FAM168A: variants seen among roughly 807,000 people sequenced by gnomAD.
FAM168A encodes the protein family with sequence similarity 168 member A.
In FAM168A, 3 loss-of-function variants were observed where a neutral mutation model predicts 28.5. That is an observed-to-expected ratio of 0.11 (90% CI 0.05 to 0.27). FAM168A has a LOEUF of 0.27. Among genes scored for constraint, FAM168A ranks in the 10% least tolerant of loss-of-function variants. The pLI is 1.00. For missense variants in FAM168A, 222 were observed against 311.5 expected (o/e 0.71, Z 2.16); for synonymous variants, 122 against 124.2 (o/e 0.98, Z 0.12).
chr11:73,539,164 T>C (rs1943621440), intron 1 of FAM168A, among the ~76,000 whole-genome samples: 1 of 152,228 alleles, frequency 6.6e-6, no homozygotes, highest in Non-Finnish European at 1.5e-5. Flanking sequence ...ATTCAACAGT[T>C]AAATGGTACA....
chr11:73,445,052 G>C (rs1371452049), intron 2 of FAM168A, among the ~76,000 whole-genome samples: 1 of 152,158 alleles, frequency 6.6e-6, no homozygotes, highest in Non-Finnish European at 1.5e-5. Context: ...CTGAGGTCGG[G>C]AGTTCAAGAC....
chr11:73,587,742 T>C (rs184417934), intron 1 of FAM168A, among the ~76,000 whole-genome samples: 25 of 152,272 alleles, frequency 1.6e-4, no homozygotes, highest in Admixed American at 9.8e-4. Context: ...AAAAATGGAA[T>C]GTACATTTAA....
rs143460155 is a variant in FAM168A, at chr11:73,594,031, C to T, written c.-19+3892G>A. Reference sequence around the variant, plus strand: ...ATTCATTAAATAAATAAATAGTGAACAGATATTTCATATATGTACAGTGTT... The same window carrying T: ...ATTCATTAAATAAATAAATAGTGAATAGATATTTCATATATGTACAGTGTT... On this transcript the variant is annotated intron_variant, in intron 1 of 7. Coordinates refer to ENST00000356467, the MANE Select transcript of FAM168A (RefSeq NM_015159.3). 1.1e-3 allele frequency among the ~76,000 whole-genome samples: 162 copies of T among 152,272 alleles called. 1 individual carries two copies. The highest frequency in any genetic ancestry group is 6.6e-3 in the South Asian group (32 of 4,830).
chr11:73,517,491 C>A (rs1008635046), intron 1 of FAM168A, among the ~76,000 whole-genome samples: 13 of 151,762 alleles, frequency 8.6e-5, no homozygotes, highest in African/African-American at 2.9e-4. Context: ...CTAAGTCCAA[C>A]AGAAAAAGAT....
intron 1 of FAM168A, among the ~76,000 whole-genome samples, chr11:73,589,788 G>A (rs921944697): frequency 1.3e-5 from 2 of 152,074 alleles, no homozygotes; most frequent in African/African-American, 4.8e-5. Context: ...TTAGCTGGGC[G>A]TGGTGGCGCA....
At chr11:73,592,686 A>G (rs1398930145) in intron 1 of FAM168A, among the ~76,000 whole-genome samples, 1 of 152,046 alleles carries the variant, frequency 6.6e-6, no homozygotes, top group Non-Finnish European at 1.5e-5. Context: ...AGATGGGGAG[A>G]CAAAAAGGAA....
chr11:73,431,963 ACTTT>A (rs1867003031), intron 2 of FAM168A, among the ~76,000 whole-genome samples: 1 of 152,108 alleles, frequency 6.6e-6, no homozygotes, highest in Non-Finnish European at 1.5e-5. Context: ...CCTCTAATCT[ACTTT>A]CTGTCTCTCT....
Position 73,583,133 on chromosome 11 carries a change from T to C in FAM168A, c.-19+14790A>G, listed in dbSNP as rs773436923. 1.3e-5 allele frequency among the ~76,000 whole-genome samples: 2 copies of C among 152,076 alleles called. 1 individual carries two copies. Among genetic ancestry groups the C allele is most frequent in the Non-Finnish European group, 2.9e-5 (2 of 68,014 alleles). On this transcript the variant is annotated intron_variant, in intron 1 of 7. Transcript: ENST00000356467. Reference sequence around the variant, plus strand: ...TCCTGGCTAAAAGAGTGAAACCCCGTCTTTACTAAAAATACAAAAATTAGT... The same window carrying C: ...TCCTGGCTAAAAGAGTGAAACCCCGCCTTTACTAAAAATACAAAAATTAGT...
At chr11:73,473,657 C>T (rs1478075429) in intron 1 of FAM168A, among the ~76,000 whole-genome samples, 2 of 152,204 alleles carry the variant, frequency 1.3e-5, no homozygotes, top group African/African-American at 4.8e-5. Flanking sequence ...TTTTTCCCCA[C>T]ACCTAGAATG....
intron 4 of FAM168A, among the ~76,000 whole-genome samples, chr11:73,417,356 G>A (rs1001413329): frequency 1.1e-4 from 17 of 152,188 alleles, no homozygotes; most frequent in African/African-American, 3.6e-4. Flanking sequence ...ACAGAACCCA[G>A]TCTAGAATTC....
chr11:73,457,815 G>A (rs1023003512), intron 2 of FAM168A, among the ~76,000 whole-genome samples: 1 of 147,128 alleles, frequency 6.8e-6, no homozygotes, highest in Non-Finnish European at 1.5e-5. Context: ...ATATACTTTA[G>A]CATAATAAAC....
chr11:73,516,118 G>C (rs1011734200), intron 1 of FAM168A, among the ~76,000 whole-genome samples: 3 of 142,446 alleles, frequency 2.1e-5, no homozygotes, highest in Admixed American at 2.1e-4. Context: ...AAAAAAAAAA[G>C]AATCAGAATC....
At chr11:73,448,347 C>T (rs112345897) in intron 2 of FAM168A, among the ~76,000 whole-genome samples, 42 of 152,252 alleles carry the variant, frequency 2.8e-4, no homozygotes, top group African/African-American at 9.9e-4. Flanking sequence ...CGCCCAGCCC[C>T]ATGTATCAAG....
intron 3 of FAM168A, chr11:73,425,059 G>C (rs1299482056): frequency 6.6e-7 from 1 of 1,525,852 alleles, no homozygotes; most frequent in Non-Finnish European, 8.7e-7. Flanking sequence ...CTGTTGGATA[G>C]AAATGTTAGT....
chr11:73,409,407 C>T, intron 6 of FAM168A, 80 bp downstream of exon 6: 2 of 1,568,262 alleles, frequency 1.3e-6, no homozygotes, highest in Non-Finnish European at 1.7e-6. Flanking sequence ...GTGCTGCAGC[C>T]AATTCTATGA....
intron 2 of FAM168A, among the ~76,000 whole-genome samples, chr11:73,456,508 C>T (rs1867534934): frequency 6.6e-6 from 1 of 151,560 alleles, no homozygotes; most frequent in African/African-American, 2.4e-5. Context: ...TCTTTATTTG[C>T]AAAGAATACT....
chr11:73,461,802 G>A (rs1414967053), intron 2 of FAM168A, among the ~76,000 whole-genome samples: 1 of 152,158 alleles, frequency 6.6e-6, no homozygotes, highest in Non-Finnish European at 1.5e-5. Flanking sequence ...CAGTTAAGAG[G>A]CAACTTAATC....
intron 1 of FAM168A, among the ~76,000 whole-genome samples, chr11:73,478,816 G>A (rs1211148904): frequency 6.6e-6 from 1 of 152,108 alleles, no homozygotes; most frequent in Non-Finnish European, 1.5e-5. Flanking sequence ...GAGGGAAACA[G>A]CCTTGGAATT....
chr11:73,496,897 A>ACACACACACG (rs1426532015), intron 1 of FAM168A, among the ~76,000 whole-genome samples: 7 of 150,370 alleles, frequency 4.7e-5, no homozygotes, highest in African/African-American at 1.5e-4. Flanking sequence ...ACACACACAC[A>ACACACACACG]CACACACACG....
Sources: gnomAD v4.1 joint callset for allele counts (sites outside exome capture counted in the v4.1 genomes callset) on GRCh38, gnomAD v4.1.1 for gene constraint, MANE v1.5 for transcripts, NCBI Gene and HGNC (gene_info 2026-07-23, HGNC 2026-07-21) for gene names.